SF3B2: variants seen among roughly 807,000 people sequenced by gnomAD.
The protein encoded by SF3B2 is splicing factor 3b subunit 2.
Under a neutral mutation model 116.3 loss-of-function variants are expected in SF3B2, and 22 were observed. That is an observed-to-expected ratio of 0.19 (90% CI 0.14 to 0.27). The LOEUF (loss-of-function observed/expected upper bound fraction) is 0.27, where lower values mean the gene tolerates loss of function less well. Among genes scored for constraint, SF3B2 ranks in the 10% least tolerant of loss-of-function variants. The pLI is 1.00. For synonymous variants in SF3B2, 406 were observed against 421.6 expected, an observed-to-expected ratio of 0.96 and a Z score of 0.45; for missense variants, 767 against 1,151.4, an observed-to-expected ratio of 0.67 and a Z score of 4.83.
Position 66,059,245 on chromosome 11 carries a change from A to T in SF3B2, c.1227A>T (p.Lys409Asn). ...AGGAGAAAGAGAAGGAGCCAGAGAA[A>T]CTTGACAAACTGGAGAACTCTGCAG... ...VKKEKEKEPE[K>N]LDKLENSAAP... Residue 409 changes from lysine (K) to asparagine (N), a missense_variant, in exon 11 of 22, where the codon AAA becomes AAT. Coordinates refer to ENST00000322535, the MANE Select transcript of SF3B2 (RefSeq NM_006842.3). This position sits in a 1 kb window ranked among gnomAD's most constrained non-coding sequence, Gnocchi z 5.0. 3 of 1,614,076 alleles carry T rather than the reference A, an allele frequency of 1.9e-6. No individual in the cohort carries two copies. The highest frequency in any genetic ancestry group is 2.5e-6 in the Non-Finnish European group (3 of 1,180,014).
Position 66,055,540 on chromosome 11 carries a change from A to G in SF3B2, c.504A>G (p.Gly168=). Residue 168 remains glycine (G), a synonymous_variant, in exon 5 of 22, where the codon GGA becomes GGG. Coordinates refer to ENST00000322535, the MANE Select transcript of SF3B2 (RefSeq NM_006842.3). ...MQQEERAKQQ[G]DHSLKEHELL... is the part of the protein sequence containing the mutation. ...AACTTGTTTTCTTTTTTAAGCAGGGAGATCATTCGCTGAAGGAACATGAGC... is the reference window on the plus strand; with the variant it reads ...AACTTGTTTTCTTTTTTAAGCAGGGGGATCATTCGCTGAAGGAACATGAGC... 3.7e-6 allele frequency: 6 copies of G among 1,614,156 alleles called. No homozygotes were observed. Among genetic ancestry groups the G allele is most frequent in the Non-Finnish European group, 5.1e-6 (6 of 1,180,020 alleles).
Position 66,056,871 on chromosome 11 carries a change from G to A in SF3B2, c.583G>A (p.Glu195Lys). Reference protein sequence around the residue: ...AVLLEQERQQEIAKMGTPVPR... With the variant: ...AVLLEQERQQKIAKMGTPVPR... ...GTTACTGGAGCAGGAACGACAGCAG[G>A]AGATTGCCAAGATGGGCACCCCAGT... is the stretch of plus-strand genomic sequence containing the variant. Residue 195 changes from glutamate to lysine, a missense_variant, in exon 6 of 22, where the codon GAG (glutamate) becomes AAG (lysine). Physicochemically the swap from Glu to Lys is moderately conservative, Grantham distance 56. Coordinates refer to ENST00000322535, the MANE Select transcript of SF3B2 (RefSeq NM_006842.3). 1 of 1,614,154 alleles carries A rather than the reference G, an allele frequency of 6.2e-7. No individual in the cohort carries two copies. Among genetic ancestry groups the A allele is most frequent in the Non-Finnish European group, 8.5e-7 (1 of 1,180,006 alleles).
At chr11:66,054,581 A>G (rs568024099) in intron 3 of SF3B2, among the ~76,000 whole-genome samples, 1 of 151,826 alleles carries the variant, frequency 6.6e-6, no homozygotes, top group African/African-American at 2.4e-5. Flanking sequence ...CACAGTTCCC[A>G]TGTTCTTTTG....
chr11:66,064,410 T>C (rs776069004), intron 19 of SF3B2, among the ~76,000 whole-genome samples: 1 of 152,236 alleles, frequency 6.6e-6, no homozygotes, highest in African/African-American at 2.4e-5. Context: ...TGCTTCCAGA[T>C]AGTATTAAGA....
rs1210052155 is a variant in SF3B2 at position 66,068,794 on chromosome 11, C to T, written c.*49C>T. The T allele has an allele frequency of 4.1e-6, 6 of 1,448,990 alleles. No homozygotes were observed. Among genetic ancestry groups the T allele is most frequent in the Non-Finnish European group, 4.8e-6 (5 of 1,033,430 alleles). The allele number at this position is 1,448,990 out of a possible 1,614,324, so 89.8% of individuals were successfully genotyped here. A position where few individuals can be genotyped will look rare whatever the true frequency, so the allele number is the denominator to read the frequency against. ...TTGGCCCTACGTCTGGATGCCTGGG[C>T]TTCACACAAGAACCACCTCTCCCGC... On this transcript the variant is annotated 3_prime_UTR_variant, in exon 22 of 22. Coordinates refer to ENST00000322535, the MANE Select transcript of SF3B2 (RefSeq NM_006842.3).
chr11:66,061,279 G>A (rs1857096781), intron 14 of SF3B2, among the ~76,000 whole-genome samples: 1 of 152,172 alleles, frequency 6.6e-6, no homozygotes, highest in Admixed American at 6.5e-5. Context: ...TGTGGTAGGT[G>A]GTTTAGGGAT....
chr11:66,063,589 T>TC (rs755139891), intron 18 of SF3B2, 39 bp from the exon 19 acceptor site: 17 of 1,610,248 alleles, frequency 1.1e-5, no homozygotes, highest in Non-Finnish European at 1.4e-5. Flanking sequence ...ATCTTTGGGG[T>TC]CCTTCTCTTT....
At position 66,055,229 on chromosome 11, in the gene SF3B2, C is replaced by A. The variant is rs770901779; in HGVS notation, c.412C>A (p.Pro138Thr). ...GPPPPLRVGE[P>T]VALSEEERLK... is the part of the protein sequence containing the mutation. ...CCCGCCTCCTCTCCGTGTGGGTGAG[C>A]CAGTGGCACTGTCAGAGGAGGAGCG... Residue 138 changes from proline to threonine, a missense_variant, in exon 4 of 22, where the codon CCA becomes ACA. Coordinates refer to ENST00000322535, the MANE Select transcript of SF3B2 (RefSeq NM_006842.3). 3.1e-6 allele frequency: 5 copies of A among 1,613,932 alleles called. No individual in the cohort carries two copies. The highest frequency in any genetic ancestry group is 1.7e-6 in the Non-Finnish European group (2 of 1,179,844).
chr11:66,057,073 G>A lies in SF3B2; in HGVS notation c.667+118G>A, dbSNP rs573301780. 8.9e-5 allele frequency: 76 copies of A among 857,754 alleles called. 1 individual carries two copies. In the African/African-American group the frequency reaches 9.6e-4, roughly 11 times the overall value. 53.1% of individuals were successfully genotyped at this position (857,754 alleles called of 1,614,324 possible). A position where few individuals can be genotyped will look rare whatever the true frequency, so the allele number is the denominator to read the frequency against. On this transcript the variant is annotated intron_variant, in intron 6 of 21. Coordinates refer to ENST00000322535, the MANE Select transcript of SF3B2 (RefSeq NM_006842.3). ...TATATAGTAAATATATAGTTTAATG[G>A]TTTTTTACACACTGAACACACCTGT...
chr11:66,057,522 G>A (rs1180314165), intron 7 of SF3B2, 147 bp downstream of exon 7: 1 of 624,148 alleles, frequency 1.6e-6, no homozygotes, highest in East Asian at 2.7e-5. Flanking sequence ...TAAACTAAGG[G>A]TATGGCAGAG....
chr11:66,066,089 GTTC>G (rs1857177658), intron 19 of SF3B2: 1 of 152,202 alleles, frequency 6.6e-6, no homozygotes, highest in Non-Finnish European at 1.5e-5. Flanking sequence ...TGACCAGGCT[GTTC>G]TTGAACTCCT....
Position 66,053,107 on chromosome 11 carries a change from A to C in SF3B2, c.258+3A>C, listed in dbSNP as rs1010693641. On this transcript the variant is annotated splice_donor_region_variant and intron_variant, in intron 3 of 21. Coordinates refer to ENST00000322535, the MANE Select transcript of SF3B2 (RefSeq NM_006842.3). ...CTCCACCTCCCATGTCGGCACAGGT[A>C]GGGAGATTCTTCTGTTTTTTAAGAT... 1.2e-6 allele frequency: 2 copies of C among 1,613,440 alleles called. No homozygotes were observed. Among genetic ancestry groups the C allele is most frequent in the Non-Finnish European group, 1.7e-6 (2 of 1,179,602 alleles).
At position 66,052,389 on chromosome 11, in the gene SF3B2, C is replaced by G; in HGVS notation, c.5C>G (p.Ala2Gly). 6.2e-7 allele frequency: 1 copy of G among 1,610,120 alleles called. No homozygotes were observed. Among genetic ancestry groups the G allele is most frequent in the African/African-American group, 1.3e-5 (1 of 74,874 alleles). Reference sequence around the variant, plus strand: ...GCGCGCCTTCCTGCGGCTAAGATGGCGACGGAGCATCCCGAGCCTCCCAAA... The same window carrying G: ...GCGCGCCTTCCTGCGGCTAAGATGGGGACGGAGCATCCCGAGCCTCCCAAA... M[A>G]TEHPEPPKAE... is the part of the protein sequence containing the mutation. Residue 2 changes from alanine to glycine, a missense_variant, in exon 1 of 22, where the codon GCG (alanine) becomes GGG (glycine). By Grantham distance (60) the Ala-to-Gly change is moderately conservative. Coordinates refer to ENST00000322535, the MANE Select transcript of SF3B2 (RefSeq NM_006842.3).
chr11:66,058,384 A>G lies in SF3B2; in HGVS notation c.945A>G (p.Thr315=), dbSNP rs1397056577. 1.2e-6 allele frequency: 2 copies of G among 1,613,910 alleles called. No homozygotes were observed. Among genetic ancestry groups the G allele is most frequent in the Non-Finnish European group, 1.7e-6 (2 of 1,179,920 alleles). Residue 315 remains threonine, a synonymous_variant, in exon 9 of 22, where the codon ACA becomes ACG. Transcript: ENST00000322535. ...CAGCGTCAGAGACTGAGGAGGACACAGTGTCCGTATCTAAAAAGGAGGTAG... is the reference window on the plus strand; with the variant it reads ...CAGCGTCAGAGACTGAGGAGGACACGGTGTCCGTATCTAAAAAGGAGGTAG... The part of the protein sequence containing the change: ...GQSASETEED[T]VSVSKKEKNR...
At position 66,052,644 on chromosome 11, in the gene SF3B2, C is replaced by T. The variant is rs373782200; in HGVS notation, c.134-29C>T. The T allele has an allele frequency of 5.0e-6, 8 of 1,597,282 alleles. No homozygotes were observed. In the African/African-American group the frequency reaches 1.1e-4, roughly 22 times the overall value. ...GGCCTGACCTGGCCGGGCTGGCCTGCCCCATTGATCGTGTACTTTGCCCTG... is the reference window on the plus strand; with the variant it reads ...GGCCTGACCTGGCCGGGCTGGCCTGTCCCATTGATCGTGTACTTTGCCCTG... On this transcript the variant is annotated intron_variant, in intron 1 of 21. Coordinates refer to ENST00000322535, the MANE Select transcript of SF3B2 (RefSeq NM_006842.3).
chr11:66,058,201 G>A, intron 8 of SF3B2, 51 bp downstream of exon 8: 1 of 1,586,024 alleles, frequency 6.3e-7, no homozygotes. Context: ...GAGAGGCTGA[G>A]CTGAGTCCTC....
chr11:66,053,183 C>A, intron 3 of SF3B2, 79 bp downstream of exon 3: 1 of 1,340,556 alleles, frequency 7.5e-7, no homozygotes, highest in Non-Finnish European at 1.1e-6. Flanking sequence ...TGGGTGTTCA[C>A]GTGCATGTGT....
rs1183726318 is a variant in SF3B2, at chr11:66,063,734, G to T, written c.2330+5G>T. 1.9e-6 allele frequency: 3 copies of T among 1,607,118 alleles called. No homozygotes were observed. Among genetic ancestry groups the T allele is most frequent in the Non-Finnish European group, 1.7e-6 (2 of 1,176,984 alleles). ...GATTGAGGAGGCGATGGACGGGTAAGGGTACCAGACAGGGCTGAGAGGGGA... is the reference window on the plus strand; with the variant it reads ...GATTGAGGAGGCGATGGACGGGTAATGGTACCAGACAGGGCTGAGAGGGGA... On this transcript the variant is annotated splice_donor_5th_base_variant and intron_variant, in intron 19 of 21. Coordinates refer to ENST00000322535, the MANE Select transcript of SF3B2 (RefSeq NM_006842.3).
chr11:66,059,792 G>T lies in SF3B2; in HGVS notation c.1412G>T (p.Arg471Leu). 6.2e-7 allele frequency: 1 copy of T among 1,614,184 alleles called. No homozygotes were observed. The highest frequency in any genetic ancestry group is 8.5e-7 in the Non-Finnish European group (1 of 1,180,026). Residue 471 changes from arginine to leucine, a missense_variant, in exon 13 of 22, where the codon CGG (arginine) becomes CTG (leucine). By Grantham distance (102) the Arg-to-Leu change is moderately radical (BLOSUM62 -2). Coordinates refer to ENST00000322535, the MANE Select transcript of SF3B2 (RefSeq NM_006842.3). This position sits in a 1 kb window ranked among gnomAD's most constrained non-coding sequence, Gnocchi z 5.0. The part of the protein sequence containing the change: ...TVAELKQLVA[R>L]PDVVEMHDVT... ...CTATGTGTTTTCCAGCTGGTGGCTC[G>T]GCCCGATGTCGTGGAGATGCACGAT...
Sources: allele counts gnomAD v4.1 joint callset (sites outside exome capture counted in the v4.1 genomes callset), GRCh38; gene constraint gnomAD v4.1.1; non-coding constraint Gnocchi (gnomAD v3.1); transcripts MANE v1.5; gene names NCBI Gene and HGNC (gene_info 2026-07-23, HGNC 2026-07-21).